FHIT: variants seen among roughly 807,000 people sequenced by gnomAD.
FHIT encodes fragile histidine triad diadenosine triphosphatase, also known as bis(5'-adenosyl)-triphosphatase.
FHIT carries 19 observed loss-of-function variants against 17.9 expected under a neutral mutation model. The ratio of observed to expected loss-of-function variants is 1.06; its 90% CI spans 0.74 to 1.56. The LOEUF (loss-of-function observed/expected upper bound fraction) is 1.56. FHIT is among the 40% of genes most tolerant of loss of function. The pLI, the probability that FHIT is intolerant of heterozygous loss-of-function variation, is 0.00. For missense variants in FHIT, 248 were observed against 189.2 expected (o/e 1.31, Z -1.82); for synonymous variants, 81 against 69.7 (o/e 1.16, Z -0.81).
intron 2 of FHIT, among the ~76,000 whole-genome samples, chr3:61,155,936 G>A (rs1181606405): frequency 6.6e-6 from 1 of 152,154 alleles, no homozygotes; most frequent in Non-Finnish European, 1.5e-5. Flanking sequence ...CTAAATGCCT[G>A]CTTTCCTTCT....
intron 4 of FHIT, among the ~76,000 whole-genome samples, chr3:60,550,654 C>T (rs911286236): frequency 2.0e-5 from 3 of 150,746 alleles, no homozygotes; most frequent in African/African-American, 7.3e-5. Flanking sequence ...CATATTTAAC[C>T]TCATTCTCAC....
intron 3 of FHIT, among the ~76,000 whole-genome samples, chr3:60,866,566 G>C (rs1553753916): frequency 6.6e-6 from 1 of 152,176 alleles, no homozygotes; most frequent in African/African-American, 2.4e-5. Flanking sequence ...TATAGAGCCA[G>C]AACCACTCTA....
intron 1 of FHIT, among the ~76,000 whole-genome samples, chr3:61,211,455 G>T (rs1481800770): frequency 3.3e-5 from 5 of 152,236 alleles, no homozygotes; most frequent in Non-Finnish European, 7.3e-5. Context: ...CTGGGGGAGG[G>T]GCGCCCGCCA....
At chr3:60,177,021 G>T (rs1385469904) in intron 5 of FHIT, among the ~76,000 whole-genome samples, 2 of 150,592 alleles carry the variant, frequency 1.3e-5, no homozygotes, top group African/African-American at 2.4e-5. Context: ...AATTGTGGGA[G>T]AAAAAAAAAT....
intron 4 of FHIT, among the ~76,000 whole-genome samples, chr3:60,544,348 A>C (rs973067324): frequency 6.6e-6 from 1 of 151,846 alleles, no homozygotes; most frequent in African/African-American, 2.4e-5. Flanking sequence ...CTAAGGGTTG[A>C]TACCTTTTTT....
chr3:60,788,760 A>G (rs1374716104), intron 4 of FHIT, among the ~76,000 whole-genome samples: 1 of 152,198 alleles, frequency 6.6e-6, no homozygotes, highest in Non-Finnish European at 1.5e-5. Flanking sequence ...ACACATACAC[A>G]TTTGCATAAG....
chr3:59,948,540 T>A (rs947014719), intron 7 of FHIT, among the ~76,000 whole-genome samples: 22 of 151,232 alleles, frequency 1.5e-4, no homozygotes, highest in African/African-American at 4.6e-4. Context: ...TAAAAAAAAA[T>A]AAATAAATAA....
intron 8 of FHIT, among the ~76,000 whole-genome samples, chr3:59,895,540 C>T (rs1704031842): frequency 6.6e-6 from 1 of 151,592 alleles, no homozygotes; most frequent in Non-Finnish European, 1.5e-5. Flanking sequence ...AAATCTGTCC[C>T]ACTTCCTTCA....
At chr3:60,198,589 G>C (rs1702753221) in intron 5 of FHIT, among the ~76,000 whole-genome samples, 1 of 152,070 alleles carries the variant, frequency 6.6e-6, no homozygotes, top group African/African-American at 2.4e-5. Flanking sequence ...ACACATAATA[G>C]GCTCAGCACA....
intron 5 of FHIT, among the ~76,000 whole-genome samples, chr3:60,345,186 A>G (rs1710715987): frequency 6.6e-6 from 1 of 152,154 alleles, no homozygotes; most frequent in South Asian, 2.1e-4. Flanking sequence ...TTGTCCTCCT[A>G]TTAGGGACAT....
In FHIT at chr3:60,536,965, C is replaced by A. The variant is rs371966919; in HGVS notation, c.-3G>T. On this transcript the variant is annotated 5_prime_UTR_variant, in exon 5 of 10. Coordinates refer to ENST00000492590, the MANE Select transcript of FHIT (RefSeq NM_002012.4). ...TGTTGGCCAAATCTGAACGACATGT[C>A]CTCACAGTTGAAGTCTAAAAGAAAA... 1.2e-6 allele frequency: 2 copies of A among 1,605,706 alleles called. No individual in the cohort carries two copies. The highest frequency in any genetic ancestry group is 1.3e-5 in the African/African-American group (1 of 74,550).
chr3:59,899,286 G>T (rs1704216352), intron 8 of FHIT, among the ~76,000 whole-genome samples: 1 of 152,222 alleles, frequency 6.6e-6, no homozygotes, highest in African/African-American at 2.4e-5. Flanking sequence ...AATGGAAAAT[G>T]ATCTCATCTG....
chr3:60,107,238 A>G (rs942088511), intron 5 of FHIT, among the ~76,000 whole-genome samples: 6 of 149,746 alleles, frequency 4.0e-5, no homozygotes, highest in East Asian at 1.9e-4. Flanking sequence ...GTGCATAGAT[A>G]AAACTTTGCA....
At chr3:60,790,592 A>G (rs1011015162) in intron 4 of FHIT, among the ~76,000 whole-genome samples, 24 of 152,322 alleles carry the variant, frequency 1.6e-4, no homozygotes, top group African/African-American at 5.5e-4. Context: ...AAACTTCCAT[A>G]GGATCAAACC....
At chr3:60,558,658 G>A (rs1448904104) in intron 4 of FHIT, among the ~76,000 whole-genome samples, 1 of 152,072 alleles carries the variant, frequency 6.6e-6, no homozygotes, top group Non-Finnish European at 1.5e-5. Flanking sequence ...TCACTGCCTG[G>A]GGTCTTCTAT....
In FHIT at chr3:60,113,431, C is replaced by T. The variant is rs183280192; in HGVS notation, c.104-99279G>A. On this transcript the variant is annotated intron_variant, in intron 5 of 9. Coordinates refer to ENST00000492590, the MANE Select transcript of FHIT (RefSeq NM_002012.4). ...GGATGAGAAAGAGAGAGCTGTTCAA[C>T]GTGTGTGTGGCCATACACAGTGAAT... 1.3e-4 allele frequency among the ~76,000 whole-genome samples: 19 copies of T among 151,940 alleles called. No homozygotes were observed. The East Asian group carries it at 2.9e-3, about 23-fold the overall frequency.
At chr3:59,960,076 G>A (rs1707595725) in intron 7 of FHIT, among the ~76,000 whole-genome samples, 1 of 152,240 alleles carries the variant, frequency 6.6e-6, no homozygotes, top group East Asian at 1.9e-4. Flanking sequence ...CCATATTAAG[G>A]TGCATAGGGT....
intron 5 of FHIT, among the ~76,000 whole-genome samples, chr3:60,399,639 T>C (rs1701585233): frequency 6.6e-6 from 1 of 152,092 alleles, no homozygotes; most frequent in Non-Finnish European, 1.5e-5. Flanking sequence ...ATAAATTACT[T>C]TTTCTAGGAA....
chr3:60,513,802 C>A lies in FHIT; in HGVS notation c.103+23058G>T, dbSNP rs376838343. On this transcript the variant is annotated intron_variant, in intron 5 of 9. Transcript: ENST00000492590. ...GAATAGGCATGCTTGTTTTTGTGCC[C>A]AGATGTTGCCTTTTCCAAAACCACT... 3.3e-5 allele frequency among the ~76,000 whole-genome samples: 5 copies of A among 152,252 alleles called. 1 individual carries two copies. The highest frequency in any genetic ancestry group is 6.5e-5 in the Admixed American group (1 of 15,296).
Sources: allele counts gnomAD v4.1 joint callset (sites outside exome capture counted in the v4.1 genomes callset), GRCh38; gene constraint gnomAD v4.1.1; transcripts MANE v1.5; gene names NCBI Gene and HGNC (gene_info 2026-07-23, HGNC 2026-07-21).